Variants in TMPRSS9 observed in about 807,000 individuals in gnomAD.
TMPRSS9 encodes transmembrane protease serine 9.
Under a neutral mutation model 111.4 loss-of-function variants are expected in TMPRSS9, and 113 were observed. That is an observed-to-expected ratio of 1.01 (90% CI 0.87 to 1.19). The LOEUF is 1.19. Among genes scored for constraint, TMPRSS9 ranks in the 50% most tolerant of loss-of-function variants. The probability of loss-of-function intolerance (pLI) is 0.00; values close to 1 mark genes in which losing one functional copy is unlikely to be tolerated. For synonymous variants in TMPRSS9, 805 were observed against 659.1 expected, an observed-to-expected ratio of 1.22 and a Z score of -3.39; for missense variants, 1,803 against 1,513.1, an observed-to-expected ratio of 1.19 and a Z score of -3.18.
chr19:2,375,818 CT>C (rs1006302530), intron 1 of TMPRSS9, among the ~76,000 whole-genome samples: 2 of 152,146 alleles, frequency 1.3e-5, no homozygotes, highest in African/African-American at 4.8e-5. Flanking sequence ...AAAATTACAA[CT>C]GAAGGGACAA....
rs775694577 is a variant in TMPRSS9, at chr19:2,422,192, G to C, written c.2493G>C (p.Arg831Ser). Residue 831 changes from arginine to serine, a missense_variant, in exon 14 of 18, where the codon AGG becomes AGC. Coordinates refer to ENST00000648592, the Ensembl canonical transcript of TMPRSS9. ...TATCTGCCGTGAGCACCACTGCTAG[G>C]GGACAGACGCCATTTCCAGACGCCC... The C allele has an allele frequency of 2.6e-6, 4 of 1,538,876 alleles. No homozygotes were observed. The Admixed American group carries it at 6.0e-5, about 23-fold the overall frequency.
At chr19:2,399,118 G>A (rs762186345) in exon 4 of TMPRSS9, 5 of 1,613,556 alleles carry the variant, frequency 3.1e-6, no homozygotes, top group Non-Finnish European at 4.2e-6. Flanking sequence ...ATTGCAGCGA[G>A]GGATCCGGGC....
intron 13 of TMPRSS9, among the ~76,000 whole-genome samples, 184 bp downstream of exon 14, chr19:2,418,322 C>CTTT (rs1971318990): frequency 6.3e-5 from 3 of 47,988 alleles, no homozygotes; most frequent in African/African-American, 4.9e-4. Flanking sequence ...TCCCTCCCTC[C>CTTT]CTCCCTCCCT....
At chr19:2,424,212 T>C in exon 15 of TMPRSS9, 2 of 1,443,328 alleles carry the variant, frequency 1.4e-6, no homozygotes, top group Non-Finnish European at 1.8e-6. Context: ...GGGGCCGTGC[T>C]GGTGGCAGAG....
At chr19:2,411,334 G>T (rs1427958091) in intron 9 of TMPRSS9, among the ~76,000 whole-genome samples, 3 of 88,856 alleles carry the variant, frequency 3.4e-5, no homozygotes, top group Non-Finnish European at 6.8e-5. Flanking sequence ...AAAAAAAAAA[G>T]AGAAAATCAG....
chr19:2,413,804 G>A (rs1475405751), exon 10 of TMPRSS9: 2 of 1,613,686 alleles, frequency 1.2e-6, no homozygotes, highest in South Asian at 1.1e-5. Flanking sequence ...GGCGTCCAGG[G>A]GTCTATGCCC....
chr19:2,424,711 C>T (rs989661238), intron 15 of TMPRSS9, among the ~76,000 whole-genome samples: 2 of 152,172 alleles, frequency 1.3e-5, no homozygotes, highest in East Asian at 3.9e-4. Flanking sequence ...GGACACCCAG[C>T]TCTGGGCTCT....
At chr19:2,378,072 G>T (rs1230991714) in intron 1 of TMPRSS9, among the ~76,000 whole-genome samples, 4 of 151,916 alleles carry the variant, frequency 2.6e-5, no homozygotes, top group African/African-American at 9.7e-5. Context: ...TAGAGATGGG[G>T]TCTCACTATG....
At position 2,417,861 on chromosome 19, in the gene TMPRSS9, T is replaced by TGAG; in HGVS notation, c.2018-140_2018-138dup. 5 of 1,196,690 alleles carry TGAG rather than the reference T, an allele frequency of 4.2e-6. No homozygotes were observed. The South Asian group carries it at 7.0e-5, about 17-fold the overall frequency. 74.1% of individuals were successfully genotyped at this position (1,196,690 alleles called of 1,614,324 possible). Reference sequence around the variant, plus strand: ...ACCTCCTCCTCACTCTGTGGCTTTGTGAGATTCCTGCAACTCTGTGAGCCC... The same window carrying TGAG: ...ACCTCCTCCTCACTCTGTGGCTTTGTGAGGAGATTCCTGCAACTCTGTGAGCCC... On this transcript the variant is annotated intron_variant, in intron 12 of 17. Coordinates refer to ENST00000648592, the Ensembl canonical transcript of TMPRSS9.
At chr19:2,424,753 C>CG (rs1438921789) in intron 15 of TMPRSS9, among the ~76,000 whole-genome samples, 8 of 152,050 alleles carry the variant, frequency 5.3e-5, no homozygotes, top group Non-Finnish European at 1.0e-4. Context: ...GGAGGGCAGG[C>CG]GGGGGGCGGG....
chr19:2,418,323 C>CTCCT (rs1568189409), intron 13 of TMPRSS9, among the ~76,000 whole-genome samples, 185 bp downstream of exon 14: 1 of 41,964 alleles, frequency 2.4e-5, no homozygotes, highest in African/African-American at 2.4e-4. Context: ...CCCTCCCTCC[C>CTCCT]TCCCTCCCTT....
chr19:2,403,239 T>G (rs761619611), intron 6 of TMPRSS9, 44 bp downstream of exon 7: 2 of 1,505,512 alleles, frequency 1.3e-6, no homozygotes, highest in Middle Eastern at 2.1e-4. Flanking sequence ...CCTTCCCTTT[T>G]CCAGGGTCAG....
chr19:2,414,460 G>A (rs1343794170), intron 10 of TMPRSS9, among the ~76,000 whole-genome samples: 2 of 151,942 alleles, frequency 1.3e-5, no homozygotes, highest in Admixed American at 6.6e-5. Flanking sequence ...GGCTGGCCTC[G>A]AACTCCTGAC....
intron 1 of TMPRSS9, among the ~76,000 whole-genome samples, chr19:2,373,388 T>G (rs1970305268): frequency 6.6e-6 from 1 of 151,308 alleles, no homozygotes; most frequent in East Asian, 2.0e-4. Context: ...GCCACCACAC[T>G]TGGCTAATTT....
At chr19:2,408,737 G>A (rs1971025906) in intron 8 of TMPRSS9, 107 bp downstream of exon 9, 1 of 1,432,498 alleles carries the variant, frequency 7.0e-7, no homozygotes, top group Non-Finnish European at 9.4e-7. Flanking sequence ...AGCACTTTGG[G>A]AGGCCGAGGC....
chr19:2,389,400 C>T (rs1240842101), upstream of TMPRSS9, among the ~76,000 whole-genome samples: 3 of 108,316 alleles, frequency 2.8e-5, no homozygotes, highest in East Asian at 2.8e-4. Context: ...TTTGGAGTCT[C>T]GCTCTGTCAC....
intron 11 of TMPRSS9, chr19:2,416,269 G>A: frequency 1.9e-6 from 1 of 524,712 alleles, no homozygotes; most frequent in Non-Finnish European, 3.3e-6. Flanking sequence ...GCTGTAGGGG[G>A]TTGGGGGGGG....
exon 16 of TMPRSS9, chr19:2,425,154 G>C: frequency 6.4e-7 from 1 of 1,573,920 alleles, no homozygotes; most frequent in East Asian, 2.3e-5. Context: ...GAGCTGGCGG[G>C]GCCGGTGCGT....
At chr19:2,423,122 G>C (rs551283567) in intron 14 of TMPRSS9, among the ~76,000 whole-genome samples, 203 of 151,874 alleles carry the variant, frequency 1.3e-3, no homozygotes, top group African/African-American at 4.6e-3. Flanking sequence ...CATGTCCTTG[G>C]GTGCGTGTTT....
Sources: gnomAD v4.1 joint callset for allele counts (sites outside exome capture counted in the v4.1 genomes callset) on GRCh38, gnomAD v4.1.1 for gene constraint, MANE v1.5 for transcripts, NCBI Gene and HGNC (gene_info 2026-07-23, HGNC 2026-07-21) for gene names.